CDH3: variants seen among roughly 807,000 people sequenced by gnomAD.
CDH3 encodes the protein cadherin-3.
A neutral mutation model predicts 82.0 loss-of-function variants in CDH3; 54 were observed. The ratio of observed to expected loss-of-function variants is 0.66; its 90% CI spans 0.53 to 0.83. CDH3 has a LOEUF of 0.83. Among genes scored for constraint, CDH3 ranks in the 40% least tolerant of loss-of-function variants. CDH3 has a pLI of 0.00. For synonymous variants in CDH3, 446 were observed against 437.9 expected (o/e 1.02, Z -0.23); for missense variants, 1,054 against 1,084.6 (o/e 0.97, Z 0.40).
downstream of CDH3, among the ~76,000 whole-genome samples, chr16:68,700,790 G>A (rs764780414): frequency 2.0e-5 from 3 of 152,132 alleles, no homozygotes; most frequent in Non-Finnish European, 4.4e-5. Context: ...GGAGGTGGAG[G>A]TTGCAGTGAG....
At chr16:68,692,669 G>A (rs1308706815) in intron 13 of CDH3, among the ~76,000 whole-genome samples, 1 of 152,220 alleles carries the variant, frequency 6.6e-6, no homozygotes, top group Non-Finnish European at 1.5e-5. Flanking sequence ...TACTGGTCTA[G>A]TGGGAGGAAA....
intron 13 of CDH3, among the ~76,000 whole-genome samples, chr16:68,692,880 G>A (rs1412549966): frequency 1.3e-5 from 2 of 152,214 alleles, no homozygotes; most frequent in Non-Finnish European, 2.9e-5. Context: ...CAAGGTGGGT[G>A]GATCACTTGA....
At position 68,678,258 on chromosome 16, in the gene CDH3, T is replaced by G; in HGVS notation, c.371T>G (p.Phe124Cys). 6.2e-7 allele frequency: 1 copy of G among 1,614,110 alleles called. No homozygotes were observed. The highest frequency in any genetic ancestry group is 1.1e-5 in the South Asian group (1 of 91,078). ...GTCCCTGAAAATGGCAAGGGTCCCT[T>G]CCCCCAGAGACTGAATCAGGTACGA... Reference protein sequence around the residue: ...ISVPENGKGPFPQRLNQLKSN... With the variant: ...ISVPENGKGPCPQRLNQLKSN... The change falls in exon 4 of 16, where the codon TTC becomes TGC. Residue 124 changes from phenylalanine to cysteine, a missense_variant. Coordinates refer to ENST00000264012, the MANE Select transcript of CDH3 (RefSeq NM_001793.6).
chr16:68,697,149 C>G (rs959398124), intron 15 of CDH3, among the ~76,000 whole-genome samples: 2 of 151,740 alleles, frequency 1.3e-5, no homozygotes, highest in African/African-American at 4.8e-5. Flanking sequence ...ATGGTAAAAC[C>G]CTGTCTCTAC....
intron 12 of CDH3, among the ~76,000 whole-genome samples, chr16:68,690,999 T>C (rs372463878): frequency 4.2e-4 from 58 of 136,664 alleles, no homozygotes; most frequent in African/African-American, 1.5e-3. Flanking sequence ...CCATTCTTTA[T>C]TCCTTTACTT....
chr16:68,683,651 CAAAAAAAAAAAAAAA>C lies in CDH3; in HGVS notation c.1183-917_1183-903del, dbSNP rs1199101103. 1.3e-4 allele frequency among the ~76,000 whole-genome samples: 9 copies of C among 69,866 alleles called. No homozygotes were observed. In the East Asian group the frequency reaches 1.5e-3, roughly 12 times the overall value. The allele number at this position is 69,866 out of a possible 152,430, so 45.8% of individuals were successfully genotyped here. A position where few individuals can be genotyped will look rare whatever the true frequency, so the allele number is the denominator to read the frequency against. ...TGGGTGACAGAGCAAGACTCTGTCT[CAAAAAAAAAAAAAAA>C]AAAAAAAAAAAAAAGAAAATCCAGC... On this transcript the variant is annotated intron_variant, in intron 9 of 15. Transcript: ENST00000264012.
intron 1 of CDH3, among the ~76,000 whole-genome samples, chr16:68,713,359 C>T (rs998244064): frequency 4.6e-5 from 7 of 151,972 alleles, no homozygotes; most frequent in African/African-American, 9.7e-5. Context: ...CTGGCTGAGG[C>T]GGGAGCAAGT....
downstream of CDH3, among the ~76,000 whole-genome samples, chr16:68,729,797 A>AT (rs889161775): frequency 2.4e-4 from 36 of 148,254 alleles, no homozygotes; most frequent in East Asian, 2.2e-3. Context: ...ACACCAGGCT[A>AT]TTTTTTTTTT....
intron 1 of CDH3, among the ~76,000 whole-genome samples, chr16:68,721,119 C>T (rs948911654): frequency 6.6e-6 from 1 of 152,052 alleles, no homozygotes; most frequent in African/African-American, 2.4e-5. Flanking sequence ...CATTTCAGGG[C>T]CCATGCTCCT....
chr16:68,678,058 A>G, intron 3 of CDH3, 76 bp from the exon 4 acceptor site: 12 of 1,389,148 alleles, frequency 8.6e-6, no homozygotes, highest in Non-Finnish European at 1.2e-5. Context: ...CACCCTTTTA[A>G]CTCTTATAGG....
intron 2 of CDH3, among the ~76,000 whole-genome samples, chr16:68,664,363 C>T (rs1960679756): frequency 6.6e-6 from 1 of 151,958 alleles, no homozygotes; most frequent in Non-Finnish European, 1.5e-5. Context: ...TCTGAAGTGC[C>T]ATCAAAAGCC....
rs2236393 is a variant in CDH3 at position 68,645,867 on chromosome 16, G to A, written c.160+117G>A. 396,416 of 761,128 alleles carry A rather than the reference G, an allele frequency of 0.52. 107,154 individuals are homozygous for A. Among genetic ancestry groups the A allele is most frequent in the East Asian group, 0.74 (27,064 of 36,784 alleles). The allele number at this position is 761,128 out of a possible 1,614,324, so 47.1% of individuals were successfully genotyped here. On this transcript the variant is annotated intron_variant, in intron 2 of 15. Coordinates refer to ENST00000264012, the MANE Select transcript of CDH3 (RefSeq NM_001793.6). Reference sequence around the variant, plus strand: ...ACTCCTGGCGCCACCTCAGTTCCCGGGGAGGCGCAGAACGCGCCTCGGGGG... The same window carrying A: ...ACTCCTGGCGCCACCTCAGTTCCCGAGGAGGCGCAGAACGCGCCTCGGGGG...
intron 2 of CDH3, among the ~76,000 whole-genome samples, chr16:68,649,368 G>C (rs1448009719): frequency 6.6e-6 from 1 of 152,140 alleles, no homozygotes; most frequent in Admixed American, 6.5e-5. Flanking sequence ...AGCTCTGGGT[G>C]TAAAAACTGC....
chr16:68,672,664 C>T (rs1355473102), intron 2 of CDH3, among the ~76,000 whole-genome samples: 1 of 152,180 alleles, frequency 6.6e-6, no homozygotes, highest in East Asian at 1.9e-4. Context: ...CGTCACAGCC[C>T]AGCACTCCTC....
At chr16:68,680,052 A>G in intron 7 of CDH3, 78 bp downstream of exon 7, 2 of 1,396,790 alleles carry the variant, frequency 1.4e-6, no homozygotes, top group South Asian at 1.2e-5. Flanking sequence ...AGAAGCTCCT[A>G]TCCCTGCCCA....
intron 2 of CDH3, among the ~76,000 whole-genome samples, chr16:68,661,306 C>T (rs1960571074): frequency 6.6e-6 from 1 of 152,214 alleles, no homozygotes; most frequent in Non-Finnish European, 1.5e-5. Context: ...AATCTGTCCA[C>T]TTACTACTTG....
chr16:68,691,010 T>TC (rs1961556304), intron 12 of CDH3, among the ~76,000 whole-genome samples: 1 of 68,636 alleles, frequency 1.5e-5, no homozygotes, highest in Non-Finnish European at 3.1e-5. Flanking sequence ...TCCTTTACTT[T>TC]CTTTTTTTTT....
intron 2 of CDH3, among the ~76,000 whole-genome samples, chr16:68,647,441 G>A (rs945837688): frequency 6.6e-6 from 1 of 152,154 alleles, no homozygotes; most frequent in African/African-American, 2.4e-5. Context: ...TTGGGTTGGC[G>A]AGTGTTTCCC....
chr16:68,681,102 G>A lies in CDH3; in HGVS notation c.996+6G>A, dbSNP rs756958259. 2 of 1,613,666 alleles carry A rather than the reference G, an allele frequency of 1.2e-6. No individual in the cohort carries two copies. Among genetic ancestry groups the A allele is most frequent in the East Asian group, 2.2e-5 (1 of 44,880 alleles). On this transcript the variant is annotated splice_donor_region_variant and intron_variant, in intron 8 of 15. Transcript: ENST00000264012. ...CCATGTTTGACCCCCAGAAGGTAAT[G>A]CCCCTTCCTCACTCAGTCCCTCATC...
Sources: gnomAD v4.1 joint callset for allele counts (sites outside exome capture counted in the v4.1 genomes callset) on GRCh38, gnomAD v4.1.1 for gene constraint, MANE v1.5 for transcripts, NCBI Gene and HGNC (gene_info 2026-07-23, HGNC 2026-07-21) for gene names.